PRSS58: variants seen among roughly 807,000 people sequenced by gnomAD.
PRSS58 encodes the protein protease, serine 58.
Under a neutral mutation model 25.0 loss-of-function variants are expected in PRSS58, and 31 were observed. That is an observed-to-expected ratio of 1.24 (90% CI 0.93 to 1.67). The LOEUF (loss-of-function observed/expected upper bound fraction) is 1.67, where lower values mean the gene tolerates loss of function less well. Among genes scored for constraint, PRSS58 ranks in the 40% most tolerant of loss-of-function variants. PRSS58 has a pLI of 0.00. For missense variants in PRSS58, 324 were observed against 287.9 expected, an observed-to-expected ratio of 1.13 and a Z score of -0.91; for synonymous variants, 119 against 106.1, an observed-to-expected ratio of 1.12 and a Z score of -0.75.
intron 4 of PRSS58, among the ~76,000 whole-genome samples, 161 bp downstream of exon 4, chr7:142,254,894 A>T (rs1010075932): frequency 6.6e-6 from 1 of 152,150 alleles, no homozygotes; most frequent in African/African-American, 2.4e-5. Flanking sequence ...AATAAAAAAA[A>T]CCCAAAAACC....
chr7:142,255,903 A>C (rs1798548911), intron 2 of PRSS58, among the ~76,000 whole-genome samples: 2 of 152,214 alleles, frequency 1.3e-5, no homozygotes, highest in Admixed American at 1.3e-4. Context: ...AAAATCTTTC[A>C]AATTAAATGT....
At chr7:142,256,669 C>T (rs1052120540) in intron 2 of PRSS58, among the ~76,000 whole-genome samples, 2 of 152,014 alleles carry the variant, frequency 1.3e-5, no homozygotes, top group Non-Finnish European at 2.9e-5. Flanking sequence ...ATATGTTGCC[C>T]AGGCTGGTCT....
In PRSS58 at chr7:142,252,286, C is replaced by T. The variant is rs1182782511; in HGVS notation, c.661G>A (p.Val221Ile). Residue 221 changes from valine to isoleucine, a missense_variant, in exon 6 of 6, where the codon GTT becomes ATT. By Grantham distance (29) the Val-to-Ile change is conservative. Transcript: ENST00000547058. Reference sequence around the variant, plus strand: ...TAAAAAATTTTGGCATAGATGCCAACATCAGCTCTCAAAACACATCCATCC... The same window carrying T: ...TAAAAAATTTTGGCATAGATGCCAATATCAGCTCTCAAAACACATCCATCC... ...FADGCVLRAD[V>I]GIYAKIFYYI... 8.1e-6 allele frequency: 13 copies of T among 1,613,952 alleles called. No individual in the cohort carries two copies. The highest frequency in any genetic ancestry group is 1.1e-5 in the Non-Finnish European group (13 of 1,179,946).
chr7:142,255,540 A>G lies in PRSS58; in HGVS notation c.174T>C (p.Asn58=). The G allele has an allele frequency of 6.2e-7, 1 of 1,614,052 alleles. No homozygotes were observed. Among genetic ancestry groups the G allele is most frequent in the South Asian group, 1.1e-5 (1 of 91,090 alleles). Residue 58 remains asparagine (N), a synonymous_variant, in exon 3 of 6, where the codon AAT becomes AAC. Coordinates refer to ENST00000547058, the MANE Select transcript of PRSS58 (RefSeq NM_001001317.5). ...PLWVITAAHC[N]LPKLRVILGV... Reference sequence around the variant, plus strand: ...TTTGAAGGCTTATCACTCACGGTAAATTGCAGTGTGCAGCTGTGATCACCC... The same window carrying G: ...TTTGAAGGCTTATCACTCACGGTAAGTTGCAGTGTGCAGCTGTGATCACCC...
intron 4 of PRSS58, among the ~76,000 whole-genome samples, chr7:142,253,392 A>G (rs1363948946): frequency 6.6e-6 from 1 of 152,204 alleles, no homozygotes; most frequent in Non-Finnish European, 1.5e-5. Context: ...AAGATTTAAA[A>G]CTGGATTTCC....
chr7:142,257,673 A>C lies in PRSS58; in HGVS notation c.35T>G (p.Leu12Arg). ...KFILLWALLN[L>R]TVALAFNPDY... Reference sequence around the variant, plus strand: ...ACAAATATGCACACACTCACCAGTCAGATTCAAGAGAGCCCAGAGGAGGAT... The same window carrying C: ...ACAAATATGCACACACTCACCAGTCCGATTCAAGAGAGCCCAGAGGAGGAT... Residue 12 changes from leucine to arginine, a missense_variant, in exon 2 of 6, where the codon CTG becomes CGG. Physicochemically the swap from Leu to Arg is moderately radical, Grantham distance 102. Coordinates refer to ENST00000547058, the MANE Select transcript of PRSS58 (RefSeq NM_001001317.5). The C allele has an allele frequency of 6.2e-7, 1 of 1,612,836 alleles. No homozygotes were observed. Among genetic ancestry groups the C allele is most frequent in the Non-Finnish European group, 8.5e-7 (1 of 1,178,892 alleles).
chr7:142,255,965 C>T (rs952163272), intron 2 of PRSS58, among the ~76,000 whole-genome samples: 3 of 152,106 alleles, frequency 2.0e-5, no homozygotes, highest in African/African-American at 7.2e-5. Context: ...GCTAAATCAA[C>T]GAATTTTTTT....
At chr7:142,253,047 C>T (rs891362486) in intron 4 of PRSS58, among the ~76,000 whole-genome samples, 1 of 152,026 alleles carries the variant, frequency 6.6e-6, no homozygotes, top group Admixed American at 6.6e-5. Context: ...ATTAGCTGGG[C>T]GTGGTGATGA....
chr7:142,255,618 G>C lies in PRSS58; in HGVS notation c.96C>G (p.Val32=). The change falls in exon 3 of 6, where the codon GTC becomes GTG. Residue 32 remains valine (V), a synonymous_variant. Transcript: ENST00000547058. ...AGGGCAAGTAGTCAGATTTCAAATA[G>C]ACCAAGTAAGGGGGAGTGGAGCTGA... is the stretch of plus-strand genomic sequence containing the variant. ...YTVSSTPPYL[V]YLKSDYLPCA... is the part of the protein sequence containing the mutation. 1 of 1,614,004 alleles carries C rather than the reference G, an allele frequency of 6.2e-7. No individual in the cohort carries two copies. Among genetic ancestry groups the C allele is most frequent in the Non-Finnish European group, 8.5e-7 (1 of 1,179,914 alleles).
chr7:142,255,722 C>T lies in PRSS58; in HGVS notation c.41-49G>A, dbSNP rs773348189. The T allele has an allele frequency of 1.6e-5, 24 of 1,529,832 alleles. No homozygotes were observed. The South Asian group carries it at 2.9e-4, about 19-fold the overall frequency. 94.8% of individuals were successfully genotyped at this position (1,529,832 alleles called of 1,614,324 possible). A position where few individuals can be genotyped will look rare whatever the true frequency, so the allele number is the denominator to read the frequency against. The stretch of plus-strand genomic sequence containing the variant: ...AAATTCCAAGATTTCTCAGTCATCA[C>T]CAGAAAAACTTCAGGAAAGTCATTT... On this transcript the variant is annotated intron_variant, in intron 2 of 5. Transcript: ENST00000547058.
chr7:142,253,152 G>A (rs1256824250), intron 4 of PRSS58, among the ~76,000 whole-genome samples: 1 of 152,128 alleles, frequency 6.6e-6, no homozygotes, highest in Admixed American at 6.5e-5. Context: ...CTGCACTCCA[G>A]CCTGGGTGAC....
intron 2 of PRSS58, among the ~76,000 whole-genome samples, chr7:142,255,937 CA>C (rs1410029329): frequency 1.3e-5 from 2 of 152,208 alleles, no homozygotes; most frequent in African/African-American, 4.8e-5. Context: ...ATACCTTCCA[CA>C]ATTTAGTGGG....
rs562510369 is a variant in PRSS58 at position 142,255,591 on chromosome 7, G to A, written c.123C>T (p.Cys41=). Residue 41 remains cysteine (C), a synonymous_variant, in exon 3 of 6, where the codon TGC becomes TGT. Coordinates refer to ENST00000547058, the MANE Select transcript of PRSS58 (RefSeq NM_001001317.5). ...LVYLKSDYLP[C]AGVLIHPLWV... ...AAAGCGGGTGGATCAGGACTCCAGC[G>A]CAGGGCAAGTAGTCAGATTTCAAAT... 16 of 1,614,086 alleles carry A rather than the reference G, an allele frequency of 9.9e-6. No homozygotes were observed. Among genetic ancestry groups the A allele is most frequent in the South Asian group, 5.5e-5 (5 of 91,076 alleles).
rs1374578571 is a variant in PRSS58 at position 142,252,227 on chromosome 7, A to T, written c.720T>A (p.Asn240Lys). 1 of 1,611,294 alleles carries T rather than the reference A, an allele frequency of 6.2e-7. No homozygotes were observed. The highest frequency in any genetic ancestry group is 2.2e-5 in the East Asian group (1 of 44,884). ...YIPWIENVIQNN is the reference protein window; with the variant it reads ...YIPWIENVIQKN ...GGTCCACAACTGCCACAGCTCAGTTATTTTGGATTACATTTTCAATCCAGG... is the reference window on the plus strand; with the variant it reads ...GGTCCACAACTGCCACAGCTCAGTTTTTTTGGATTACATTTTCAATCCAGG... The change falls in exon 6 of 6, where the codon AAT becomes AAA. Residue 240 changes from asparagine to lysine, a missense_variant. Asn to Lys is a moderately conservative substitution (Grantham distance 94). Transcript: ENST00000547058.
Position 142,257,999 on chromosome 7 carries a change from A to T in PRSS58, c.-50T>A, listed in dbSNP as rs2116391444. On this transcript the variant is annotated 5_prime_UTR_variant, in exon 1 of 6. Coordinates refer to ENST00000547058, the MANE Select transcript of PRSS58 (RefSeq NM_001001317.5). Reference sequence around the variant, plus strand: ...TTCAGGGAAGAAAGTACCAAAGCTAAGTTGAAGTTCATGATATCTCTACAG... The same window carrying T: ...TTCAGGGAAGAAAGTACCAAAGCTATGTTGAAGTTCATGATATCTCTACAG... The T allele has an allele frequency of 5.0e-6, 2 of 398,442 alleles. No individual in the cohort carries two copies. The highest frequency in any genetic ancestry group is 1.4e-3 in the Middle Eastern group (2 of 1,480). The allele number at this position is 398,442 out of a possible 1,614,324, so 24.7% of individuals were successfully genotyped here. A position where few individuals can be genotyped will look rare whatever the true frequency, so the allele number is the denominator to read the frequency against.
chr7:142,257,811 T>A, intron 1 of PRSS58, 63 bp from the exon 2 acceptor site: 1 of 910,068 alleles, frequency 1.1e-6, no homozygotes, highest in Non-Finnish European at 1.8e-6. Flanking sequence ...TGGAAAAATA[T>A]ATCATCTGAA....
In PRSS58 at chr7:142,252,387, A is replaced by C; in HGVS notation, c.577-17T>G. 3 of 1,611,668 alleles carry C rather than the reference A, an allele frequency of 1.9e-6. No homozygotes were observed. Among genetic ancestry groups the C allele is most frequent in the Non-Finnish European group, 2.5e-6 (3 of 1,179,338 alleles). ...AGAAACTTCCTGCCAGGAAAACAAT[A>C]ATAACAACAACAAAAAAGCAGATTA... is the stretch of plus-strand genomic sequence containing the variant. On this transcript the variant is annotated splice_polypyrimidine_tract_variant and intron_variant, in intron 5 of 5. Coordinates refer to ENST00000547058, the MANE Select transcript of PRSS58 (RefSeq NM_001001317.5).
chr7:142,253,596 T>C (rs1458312115), intron 4 of PRSS58, among the ~76,000 whole-genome samples: 1 of 151,894 alleles, frequency 6.6e-6, no homozygotes, highest in East Asian at 1.9e-4. Context: ...TTTTGGTTTT[T>C]TTAATAATGG....
chr7:142,253,322 CAA>C (rs973227665), intron 4 of PRSS58, among the ~76,000 whole-genome samples: 1 of 152,152 alleles, frequency 6.6e-6, no homozygotes, highest in Non-Finnish European at 1.5e-5. Context: ...AGTATCTGCA[CAA>C]AAAAGTCACT....
Sources: gnomAD v4.1 joint callset for allele counts (sites outside exome capture counted in the v4.1 genomes callset) on GRCh38, gnomAD v4.1.1 for gene constraint, MANE v1.5 for transcripts, NCBI Gene and HGNC (gene_info 2026-07-23, HGNC 2026-07-21) for gene names.